The following TGFB2 variants were observed in gnomAD, a reference collection of about 807,000 sequenced individuals.
TGFB2 encodes transforming growth factor beta 2.
In TGFB2, 13 loss-of-function variants were observed where a neutral mutation model predicts 42.7. That is an observed-to-expected ratio of 0.30 (90% CI 0.20 to 0.48). TGFB2 has a LOEUF of 0.48. Ranked by LOEUF, TGFB2 falls within the 20% of genes least tolerant of loss-of-function variation. The pLI is 0.99. For missense variants in TGFB2, 390 were observed against 517.5 expected (o/e 0.75, Z 2.39); for synonymous variants, 193 against 193.6 (o/e 1.00, Z 0.03).
At chr1:218,393,598 C>G (rs539581566) in intron 1 of TGFB2, among the ~76,000 whole-genome samples, 80 of 151,564 alleles carry the variant, frequency 5.3e-4, no homozygotes, top group African/African-American at 1.9e-3. Context: ...CCCTGGATAT[C>G]ACAGCAAACA....
chr1:218,363,226 G>A, intron 1 of TGFB2: 1 of 943,086 alleles, frequency 1.1e-6, no homozygotes, highest in Non-Finnish European at 1.7e-6. Flanking sequence ...CTGGGGAAAT[G>A]ATAAGAACAT....
At position 218,346,050 on chromosome 1, in the gene TGFB2, G is replaced by GCACACGCA. The variant is rs1316998310; in HGVS notation, c.-646_-639dup. On this transcript the variant is annotated 5_prime_UTR_variant, in exon 1 of 7. Transcript: ENST00000366930. The surrounding 1 kb of genome is among the most constrained non-coding windows in gnomAD (Gnocchi z 4.9). ...TGCGCTGGGCTCGCCCCCAGCGCGC[G>GCACACGCA]CACACGCACACACACACACACACAC... 1.4e-4 allele frequency among the ~76,000 whole-genome samples: 19 copies of GCACACGCA among 138,042 alleles called. No individual in the cohort carries two copies. The highest frequency in any genetic ancestry group is 4.9e-4 in the African/African-American group (16 of 32,536). 90.6% of individuals were successfully genotyped at this position (138,042 alleles called of 152,430 possible).
chr1:218,428,711 C>T (rs1230986292), intron 2 of TGFB2, among the ~76,000 whole-genome samples: 10 of 152,098 alleles, frequency 6.6e-5, no homozygotes, highest in Non-Finnish European at 1.5e-5. Context: ...GTTTTGGTAC[C>T]AGCACCATGC....
chr1:218,438,490 T>C (rs1354475668), intron 6 of TGFB2, among the ~76,000 whole-genome samples: 2 of 152,202 alleles, frequency 1.3e-5, no homozygotes, highest in Non-Finnish European at 2.9e-5. Context: ...TATTAAAAGT[T>C]ATCTTTAAAA....
chr1:218,362,175 A>C (rs1657232906), intron 1 of TGFB2, among the ~76,000 whole-genome samples: 1 of 152,220 alleles, frequency 6.6e-6, no homozygotes, highest in African/African-American at 2.4e-5. Context: ...ATAAAAAATA[A>C]ATCAAGAGAA....
rs896426406 is a variant in TGFB2, at chr1:218,437,369, G to A, written c.959G>A (p.Arg320His). 8.1e-6 allele frequency: 13 copies of A among 1,597,568 alleles called. No homozygotes were observed. The highest frequency in any genetic ancestry group is 1.1e-5 in the South Asian group (1 of 88,846). ...AATGTGCAGGATAATTGCTGCCTAC[G>A]TCCACTTTACATTGATTTCAAGAGG... ...FRNVQDNCCL[R>H]PLYIDFKRDL... The change falls in exon 6 of 7, where the codon CGT becomes CAT. Residue 320 changes from arginine (R) to histidine (H), a missense_variant. Physicochemically the swap from Arg to His is conservative, Grantham distance 29 (BLOSUM62 0). Coordinates refer to ENST00000366930, the MANE Select transcript of TGFB2 (RefSeq NM_003238.6).
At chr1:218,358,200 T>C (rs1183752521) in intron 1 of TGFB2, among the ~76,000 whole-genome samples, 1 of 152,234 alleles carries the variant, frequency 6.6e-6, no homozygotes, top group East Asian at 1.9e-4. Context: ...TCTCTCCATC[T>C]GAAAAAGATG....
At chr1:218,412,911 T>C (rs576762198) in intron 2 of TGFB2, among the ~76,000 whole-genome samples, 38 of 152,334 alleles carry the variant, frequency 2.5e-4, no homozygotes, top group Non-Finnish European at 3.1e-4. Context: ...ATTAGGTTCA[T>C]ACATCTTACA....
intron 2 of TGFB2, among the ~76,000 whole-genome samples, chr1:218,420,406 G>A (rs569590023): frequency 2.0e-5 from 3 of 152,276 alleles, no homozygotes; most frequent in East Asian, 1.9e-4. Context: ...ATACCTGATG[G>A]TCTCATGAAT....
In TGFB2 at chr1:218,436,103, C is replaced by T. The variant is rs775057495; in HGVS notation, c.888C>T (p.Thr296=). Residue 296 remains threonine, a synonymous_variant, in exon 5 of 7, where the codon ACC becomes ACT. Coordinates refer to ENST00000366930, the MANE Select transcript of TGFB2 (RefSeq NM_003238.6). ...CCTACAGACTTGAGTCACAACAGAC[C>T]AACCGGCGGAAGAAGCGTGCTTTGG... The part of the protein sequence containing the change: ...LPSYRLESQQ[T]NRRKKRALDA... The T allele has an allele frequency of 1.9e-6, 3 of 1,613,844 alleles. No homozygotes were observed. Among genetic ancestry groups the T allele is most frequent in the Admixed American group, 1.7e-5 (1 of 59,982 alleles).
chr1:218,437,613 G>C, intron 6 of TGFB2, 117 bp downstream of exon 6: 1 of 1,097,122 alleles, frequency 9.1e-7, no homozygotes, highest in Non-Finnish European at 1.2e-6. Flanking sequence ...ACATGTATGG[G>C]TACTGGAGAA....
At chr1:218,409,963 G>A (rs551991785) in intron 2 of TGFB2, among the ~76,000 whole-genome samples, 3 of 152,324 alleles carry the variant, frequency 2.0e-5, no homozygotes, top group Admixed American at 6.5e-5. Flanking sequence ...TTACATGTGA[G>A]CATAGGCACT....
At chr1:218,361,086 C>T (rs1231075838) in intron 1 of TGFB2, among the ~76,000 whole-genome samples, 1 of 152,246 alleles carries the variant, frequency 6.6e-6, no homozygotes, top group East Asian at 1.9e-4. Flanking sequence ...AACTCCTGAC[C>T]TCGTGGTCTG....
At chr1:218,406,797 G>T (rs893405386) in intron 2 of TGFB2, among the ~76,000 whole-genome samples, 3 of 152,112 alleles carry the variant, frequency 2.0e-5, no homozygotes, top group Non-Finnish European at 4.4e-5. Flanking sequence ...TGGGGAGAAG[G>T]TGGCCCTCCA....
At chr1:218,420,091 A>C (rs561822456) in intron 2 of TGFB2, among the ~76,000 whole-genome samples, 1 of 152,298 alleles carries the variant, frequency 6.6e-6, no homozygotes, top group East Asian at 1.9e-4. Context: ...TTAAAGTCAG[A>C]GTGGAATTGG....
At chr1:218,413,374 A>G (rs1418083633) in intron 2 of TGFB2, among the ~76,000 whole-genome samples, 1 of 152,188 alleles carries the variant, frequency 6.6e-6, no homozygotes, top group Non-Finnish European at 1.5e-5. Flanking sequence ...CGCTGGTAGA[A>G]TATCATCTGC....
chr1:218,348,821 A>G (rs1277682430), intron 1 of TGFB2, among the ~76,000 whole-genome samples: 1 of 152,240 alleles, frequency 6.6e-6, no homozygotes, highest in Non-Finnish European at 1.5e-5. Flanking sequence ...TGAATAACTC[A>G]TCTTTCAATG....
chr1:218,378,477 A>AT (rs951436996), intron 1 of TGFB2, among the ~76,000 whole-genome samples: 7 of 150,416 alleles, frequency 4.7e-5, no homozygotes, highest in African/African-American at 1.7e-4. Context: ...GCACCCGGCC[A>AT]TTTTTTGGGT....
Position 218,442,607 on chromosome 1 carries a change from C to T in TGFB2, c.*1245C>T, listed in dbSNP as rs1036795820. ...TGCATTTTTTTTTTAATAACATTTG[C>T]CCTACTTGTGCTTTGTGTTTCTTTC... On this transcript the variant is annotated 3_prime_UTR_variant, in exon 7 of 7. Transcript: ENST00000366930. The T allele has an allele frequency of 3.3e-5, 5 of 151,750 alleles. No homozygotes were observed. The highest frequency in any genetic ancestry group is 9.7e-5 in the African/African-American group (4 of 41,418). 9.4% of individuals were successfully genotyped at this position (151,750 alleles called of 1,614,324 possible).
Sources: gnomAD v4.1 joint callset for allele counts (sites outside exome capture counted in the v4.1 genomes callset) on GRCh38, gnomAD v4.1.1 for gene constraint, Gnocchi (gnomAD v3.1) non-coding constraint, MANE v1.5 for transcripts, NCBI Gene and HGNC (gene_info 2026-07-23, HGNC 2026-07-21) for gene names.